The following DLGAP1 variants were observed in gnomAD, a reference collection of about 807,000 sequenced individuals.
DLGAP1 encodes DLG associated protein 1, also known as disks large-associated protein 1.
Under a neutral mutation model 90.8 loss-of-function variants are expected in DLGAP1, and 11 were observed. The observed-to-expected ratio is 0.12, with a 90% CI of 0.08 to 0.20. DLGAP1 has a LOEUF of 0.20. DLGAP1 is among the 10% of genes least tolerant of loss of function. The pLI, the probability that DLGAP1 is intolerant of heterozygous loss-of-function variation, is 1.00. For synonymous variants in DLGAP1, 558 were observed against 540.7 expected, an observed-to-expected ratio of 1.03 and a Z score of -0.44; for missense variants, 1,050 against 1,333.8, an observed-to-expected ratio of 0.79 and a Z score of 3.31.
rs148828526 is a variant in DLGAP1, at chr18:3,761,764, C to T, written c.1173-19252G>A. Among the ~76,000 whole-genome samples, 591 of 152,060 alleles carry T rather than the reference C, an allele frequency of 3.9e-3. 4 individuals carry two copies. Among genetic ancestry groups the T allele is most frequent in the African/African-American group, 0.013 (554 of 41,446 alleles). On this transcript the variant is annotated intron_variant, in intron 5 of 12. Transcript: ENST00000315677. The stretch of plus-strand genomic sequence containing the variant: ...CTAATTTTTGTATTTTTAGTAGAGA[C>T]GGGGTTTCACCATGTTGGCTAGGCT...
chr18:4,449,890 T>C (rs1294975374), intron 1 of DLGAP1, among the ~76,000 whole-genome samples: 1 of 152,092 alleles, frequency 6.6e-6, no homozygotes, highest in Non-Finnish European at 1.5e-5. Flanking sequence ...AGCTCTAGAA[T>C]CAAGTGAGTC....
intron 1 of DLGAP1, among the ~76,000 whole-genome samples, chr18:4,343,101 G>T (rs188623115): frequency 6.6e-6 from 1 of 151,822 alleles, no homozygotes; most frequent in Non-Finnish European, 1.5e-5. Context: ...AGGTCAGGAG[G>T]TCGAGACCAT....
At chr18:4,124,357 A>G (rs1390919113) in intron 2 of DLGAP1, among the ~76,000 whole-genome samples, 2 of 152,224 alleles carry the variant, frequency 1.3e-5, no homozygotes, top group African/African-American at 4.8e-5. Context: ...AAATGTTCGA[A>G]TAATCCTCAT....
intron 6 of DLGAP1, among the ~76,000 whole-genome samples, chr18:3,739,379 A>G (rs1414782991): frequency 6.9e-6 from 1 of 145,936 alleles, no homozygotes; most frequent in Non-Finnish European, 1.5e-5. Flanking sequence ...ACCAACCCAA[A>G]TGTCCAACAA....
At chr18:3,592,863 AAAAAG>A (rs2056338424) in intron 7 of DLGAP1, among the ~76,000 whole-genome samples, 10 of 119,788 alleles carry the variant, frequency 8.3e-5, no homozygotes, top group Admixed American at 2.0e-4. Flanking sequence ...AAAAAAAAAA[AAAAAG>A]AAAAAGAAAG....
chr18:3,499,347 G>C lies in DLGAP1; in HGVS notation c.2772C>G (p.Pro924=), dbSNP rs761102389. Residue 924 remains proline (P), a synonymous_variant, in exon 13 of 13, where the codon CCC becomes CCG. Transcript: ENST00000315677. This position sits in a 1 kb window ranked among gnomAD's most constrained non-coding sequence, Gnocchi z 6.4. ...GCGAGCGCTCCCGGATCAGCGGCGCGGGGCCCTTCGCCGGCTTCTTTGGCA... is the reference window on the plus strand; with the variant it reads ...GCGAGCGCTCCCGGATCAGCGGCGCCGGGCCCTTCGCCGGCTTCTTTGGCA... ...PPVPKKPAKG[P]APLIRERSLE... 12 of 1,555,306 alleles carry C rather than the reference G, an allele frequency of 7.7e-6. No individual in the cohort carries two copies. Among genetic ancestry groups the C allele is most frequent in the Non-Finnish European group, 9.6e-6 (11 of 1,150,416 alleles).
chr18:3,540,654 T>A (rs559501193), intron 9 of DLGAP1, among the ~76,000 whole-genome samples: 25 of 152,192 alleles, frequency 1.6e-4, no homozygotes, highest in African/African-American at 5.1e-4. Context: ...CGGTTAGCAC[T>A]GTCCTATCAC....
At chr18:4,208,362 G>T (rs773292445) in intron 1 of DLGAP1, among the ~76,000 whole-genome samples, 5 of 152,168 alleles carry the variant, frequency 3.3e-5, no homozygotes, top group Non-Finnish European at 5.9e-5. Context: ...AAATTTGCAT[G>T]AAATAATAGG....
intron 12 of DLGAP1, chr18:3,502,222 A>G: frequency 2.3e-6 from 3 of 1,317,836 alleles, no homozygotes. Flanking sequence ...AGTGACTAAA[A>G]TGGTTTAACT....
At position 3,880,012 on chromosome 18, in the gene DLGAP1, G is replaced by T. The variant is rs772737666; in HGVS notation, c.57C>A (p.Ala19=). The T allele has an allele frequency of 2.7e-4, 428 of 1,609,228 alleles. No individual in the cohort carries two copies. Among genetic ancestry groups the T allele is most frequent in the Non-Finnish European group, 7.7e-5 (91 of 1,179,896 alleles). ...CGGAGTGGTGCGACAGCGAGTCACA[G>T]GCCGAGTCGCAGGTGACCCCGTGGT... ...SHHHGVTCDS[A]CDSLSHHSDR... The change falls in exon 4 of 13, where the codon GCC becomes GCA. Residue 19 remains alanine, a synonymous_variant. Transcript: ENST00000315677.
intron 4 of DLGAP1, among the ~76,000 whole-genome samples, chr18:3,862,248 A>G (rs1268996395): frequency 6.6e-6 from 1 of 152,384 alleles, no homozygotes; most frequent in East Asian, 1.9e-4. Context: ...GAACGGCACC[A>G]GCCAAGGGAC....
chr18:3,595,501 G>GA (rs925724202), intron 7 of DLGAP1, among the ~76,000 whole-genome samples: 8 of 147,492 alleles, frequency 5.4e-5, no homozygotes, highest in Middle Eastern at 3.4e-3. Context: ...ACAGGCATGA[G>GA]AAAAAAAAAA....
At chr18:3,961,319 C>A (rs1201384605) in intron 3 of DLGAP1, among the ~76,000 whole-genome samples, 2 of 152,188 alleles carry the variant, frequency 1.3e-5, no homozygotes, top group African/African-American at 4.8e-5. Context: ...AAGCTCCCAC[C>A]TTTTCCTCCT....
intron 2 of DLGAP1, among the ~76,000 whole-genome samples, chr18:4,051,937 C>T (rs943304363): frequency 2.6e-5 from 4 of 152,214 alleles, no homozygotes; most frequent in African/African-American, 9.6e-5. Context: ...AGTCATTAAA[C>T]CTTAAAGTTC....
At chr18:3,928,753 C>T (rs1049237310) in intron 3 of DLGAP1, among the ~76,000 whole-genome samples, 1 of 152,132 alleles carries the variant, frequency 6.6e-6, no homozygotes, top group African/African-American at 2.4e-5. Flanking sequence ...GAGTACAGAT[C>T]CTCATCCACT....
intron 1 of DLGAP1, among the ~76,000 whole-genome samples, chr18:4,189,076 A>C (rs2077349677): frequency 6.6e-6 from 1 of 152,164 alleles, no homozygotes; most frequent in African/African-American, 2.4e-5. Context: ...TACGATAATG[A>C]ATGCTGTAAA....
intron 7 of DLGAP1, among the ~76,000 whole-genome samples, chr18:3,602,062 A>G (rs910178155): frequency 1.3e-5 from 2 of 151,964 alleles, no homozygotes; most frequent in African/African-American, 4.8e-5. Flanking sequence ...GGCCCACTAT[A>G]ATTTTGCACT....
At chr18:4,234,122 T>A (rs2078356367) in intron 1 of DLGAP1, among the ~76,000 whole-genome samples, 1 of 150,718 alleles carries the variant, frequency 6.6e-6, no homozygotes, top group Non-Finnish European at 1.5e-5. Flanking sequence ...TTTTTTTTAG[T>A]TTCTTGGATG....
At chr18:4,339,651 T>C (rs555970268) in intron 1 of DLGAP1, among the ~76,000 whole-genome samples, 2 of 152,264 alleles carry the variant, frequency 1.3e-5, no homozygotes, top group Non-Finnish European at 2.9e-5. Flanking sequence ...CCTAAAATTA[T>C]AGATTCTATT....
Sources: gnomAD v4.1 joint callset for allele counts (sites outside exome capture counted in the v4.1 genomes callset) on GRCh38, gnomAD v4.1.1 for gene constraint, Gnocchi (gnomAD v3.1) non-coding constraint, MANE v1.5 for transcripts, NCBI Gene and HGNC (gene_info 2026-07-23, HGNC 2026-07-21) for gene names.